The following RYR2 variants were observed in gnomAD, a reference collection of about 807,000 sequenced individuals.
RYR2 encodes cardiac muscle ryanodine receptor-calcium release channel.
In RYR2, 227 loss-of-function variants were observed where a neutral mutation model predicts 601.1. The observed-to-expected ratio is 0.38, with a 90% CI of 0.34 to 0.42. The LOEUF (loss-of-function observed/expected upper bound fraction) is 0.42. RYR2 is among the 10% of genes least tolerant of loss of function. The pLI is 1.00. For synonymous variants in RYR2, 2,223 were observed against 2,175.1 expected, an observed-to-expected ratio of 1.02 and a Z score of -0.61; for missense variants, 4,646 against 6,156.5, an observed-to-expected ratio of 0.75 and a Z score of 8.21.
intron 1 of RYR2, among the ~76,000 whole-genome samples, chr1:237,183,928 T>A (rs886510731): frequency 3.3e-5 from 5 of 152,228 alleles, no homozygotes; most frequent in Non-Finnish European, 7.3e-5. Context: ...TCATATTGCA[T>A]ATTAATTTCC....
At chr1:237,315,928 T>C (rs902789781) in intron 2 of RYR2, among the ~76,000 whole-genome samples, 1 of 152,024 alleles carries the variant, frequency 6.6e-6, no homozygotes, top group African/African-American at 2.4e-5. Context: ...AACAGTGGGA[T>C]TTTTTTTCTT....
intron 1 of RYR2, among the ~76,000 whole-genome samples, chr1:237,184,455 A>G (rs1253370530): frequency 5.3e-5 from 8 of 152,242 alleles, no homozygotes; most frequent in Admixed American, 4.6e-4. Flanking sequence ...GGAGCCATAA[A>G]TAACCTTTAT....
At chr1:237,557,494 C>T (rs116922100) in intron 27 of RYR2, among the ~76,000 whole-genome samples, 18 of 151,060 alleles carry the variant, frequency 1.2e-4, no homozygotes, top group African/African-American at 3.6e-4. Flanking sequence ...GAGCTTTGTA[C>T]GACCAGATGT....
rs374719720 is a variant in RYR2 at position 237,074,833 on chromosome 1, C to T, written c.48+32264C>T. 1.6e-3 allele frequency among the ~76,000 whole-genome samples: 246 copies of T among 152,228 alleles called. 1 individual carries two copies. Among genetic ancestry groups the T allele is most frequent in the African/African-American group, 5.0e-3 (208 of 41,542 alleles). On this transcript the variant is annotated intron_variant, in intron 1 of 104. Transcript: ENST00000366574. ...CTGGAACTATTGTTATATTATTAAA[C>T]GGTAGAGGGGCCATCCTGGGCAAGA...
intron 62 of RYR2, among the ~76,000 whole-genome samples, chr1:237,682,691 C>A (rs1685995326): frequency 6.6e-6 from 1 of 151,972 alleles, no homozygotes; most frequent in South Asian, 2.1e-4. Flanking sequence ...AGACTGAATC[C>A]CCATCATTAA....
intron 89 of RYR2, 25 bp downstream of exon 89, chr1:237,781,671 T>C (rs1695123004): frequency 1.6e-6 from 2 of 1,224,696 alleles, no homozygotes; most frequent in African/African-American, 3.0e-5. Context: ...TACTTTTAAA[T>C]TCTCTTTATT....
intron 63 of RYR2, among the ~76,000 whole-genome samples, chr1:237,694,122 G>C (rs965713798): frequency 6.6e-6 from 1 of 151,682 alleles, no homozygotes; most frequent in South Asian, 2.1e-4. Flanking sequence ...GTGAAACCCC[G>C]TCTCTGCTAA....
chr1:237,160,229 G>T (rs565540137), intron 1 of RYR2, among the ~76,000 whole-genome samples: 1 of 152,122 alleles, frequency 6.6e-6, no homozygotes, highest in African/African-American at 2.4e-5. Flanking sequence ...TTTGTATTTC[G>T]TTAGGATCTG....
intron 1 of RYR2, among the ~76,000 whole-genome samples, chr1:237,246,541 A>G (rs1686860733): frequency 6.6e-6 from 1 of 151,912 alleles, no homozygotes; most frequent in Non-Finnish European, 1.5e-5. Context: ...GGCTCAAGCA[A>G]TCCTCCTGCT....
At chr1:237,829,126 A>G (rs775569798) in intron 102 of RYR2, among the ~76,000 whole-genome samples, 6 of 152,232 alleles carry the variant, frequency 3.9e-5, no homozygotes, top group Non-Finnish European at 7.3e-5. Flanking sequence ...CCAGTGAATG[A>G]AGAATATAAT....
chr1:237,166,215 A>T (rs968619949), intron 1 of RYR2, among the ~76,000 whole-genome samples: 1 of 152,162 alleles, frequency 6.6e-6, no homozygotes, highest in Non-Finnish European at 1.5e-5. Context: ...CAGTCATCTG[A>T]CTTAGAACAC....
At position 237,674,209 on chromosome 1, in the gene RYR2, G is replaced by A; in HGVS notation, c.8704G>A (p.Ala2902Thr). 2 of 1,610,386 alleles carry A rather than the reference G, an allele frequency of 1.2e-6. No individual in the cohort carries two copies. Among genetic ancestry groups the A allele is most frequent in the Non-Finnish European group, 1.7e-6 (2 of 1,176,880 alleles). The change falls in exon 59 of 105, where the codon GCT becomes ACT. Residue 2902 changes from alanine (A) to threonine (T), a missense_variant. Physicochemically the swap from Ala to Thr is moderately conservative, Grantham distance 58. Transcript: ENST00000366574. ...CAAGTTCTTGCAGATCAATGGATAT[G>A]CTGTATCCAGGTAAAAGTACACATA... ...ILKFLQINGY[A>T]VSRGFKDLEL...
intron 1 of RYR2, among the ~76,000 whole-genome samples, chr1:237,256,555 C>T (rs1263529442): frequency 1.3e-5 from 2 of 152,178 alleles, no homozygotes; most frequent in Non-Finnish European, 2.9e-5. Context: ...CTCTGCTGCT[C>T]CTCTTAATTA....
chr1:237,722,526 C>T (rs554117861), intron 73 of RYR2, among the ~76,000 whole-genome samples: 5 of 151,726 alleles, frequency 3.3e-5, no homozygotes, highest in East Asian at 3.9e-4. Flanking sequence ...CTCCGCCTCC[C>T]GGGTTCACGC....
rs114343440 is a variant in RYR2 at position 237,739,060 on chromosome 1, T to A, written c.11092-3236T>A. Among the ~76,000 whole-genome samples the A allele has an allele frequency of 3.7e-3, 566 of 152,308 alleles. 6 individuals are homozygous for A. Among genetic ancestry groups the A allele is most frequent in the African/African-American group, 0.013 (531 of 41,572 alleles). On this transcript the variant is annotated intron_variant, in intron 79 of 104. Coordinates refer to ENST00000366574, the MANE Select transcript of RYR2 (RefSeq NM_001035.3). ...ATGATTTTCATTTCTCTTGGCTAGG[T>A]ACTTTTCTGTATTACAAACATCACT...
At chr1:237,314,076 T>C (rs1020550564) in intron 2 of RYR2, among the ~76,000 whole-genome samples, 1 of 146,682 alleles carries the variant, frequency 6.8e-6, no homozygotes, top group African/African-American at 2.5e-5. Flanking sequence ...TTTTTTTTTT[T>C]TTTTTTGAGA....
intron 29 of RYR2, among the ~76,000 whole-genome samples, chr1:237,581,838 A>G (rs1013800192): frequency 1.3e-5 from 2 of 152,284 alleles, no homozygotes; most frequent in Admixed American, 1.3e-4. Context: ...AAAAATCAAC[A>G]CTTGTCAGAG....
At chr1:237,830,682 C>G (rs1432151455) in intron 103 of RYR2, 52 bp downstream of exon 103, 1 of 841,434 alleles carries the variant, frequency 1.2e-6, no homozygotes. Flanking sequence ...CGCCACTGGT[C>G]CCTGCCCATC....
intron 17 of RYR2, 66 bp downstream of exon 17, chr1:237,469,253 T>G: frequency 7.3e-6 from 1 of 137,502 alleles, no homozygotes; most frequent in Non-Finnish European, 1.2e-5. Flanking sequence ...TCGTATCCTT[T>G]AAGACAAAAA....
Sources: gnomAD v4.1 joint callset for allele counts (sites outside exome capture counted in the v4.1 genomes callset) on GRCh38, gnomAD v4.1.1 for gene constraint, MANE v1.5 for transcripts, NCBI Gene and HGNC (gene_info 2026-07-23, HGNC 2026-07-21) for gene names.